Variants in MTREX observed in about 807,000 individuals in gnomAD.
MTREX encodes exosome RNA helicase MTR4.
In MTREX, 76 loss-of-function variants were observed where a neutral mutation model predicts 135.4. The ratio of observed to expected loss-of-function variants is 0.56; its 90% CI spans 0.47 to 0.68. The LOEUF (loss-of-function observed/expected upper bound fraction) is 0.68. Ranked by LOEUF, MTREX falls within the 30% of genes least tolerant of loss-of-function variation. The pLI, the probability that MTREX is intolerant of heterozygous loss-of-function variation, is 0.00. For missense variants in MTREX, 920 were observed against 1,262.1 expected (o/e 0.73, Z 4.11); for synonymous variants, 404 against 401.6 (o/e 1.01, Z -0.07).
chr5:55,316,968 C>T (rs1749208570), intron 1 of MTREX, among the ~76,000 whole-genome samples: 1 of 152,166 alleles, frequency 6.6e-6, no homozygotes, highest in South Asian at 2.1e-4. Flanking sequence ...GGCTAGCATT[C>T]TTATACACCA....
At chr5:55,409,393 T>C (rs1219925231) in intron 22 of MTREX, among the ~76,000 whole-genome samples, 1 of 152,210 alleles carries the variant, frequency 6.6e-6, no homozygotes, top group Non-Finnish European at 1.5e-5. Flanking sequence ...TCATCTTTTA[T>C]TATTTGTGCA....
chr5:55,314,223 T>C (rs765508878), intron 1 of MTREX, among the ~76,000 whole-genome samples: 4 of 152,222 alleles, frequency 2.6e-5, no homozygotes, highest in Non-Finnish European at 5.9e-5. Flanking sequence ...CAAATTCCTC[T>C]CCACAGGAGA....
chr5:55,410,452 C>T (rs1483327082), intron 22 of MTREX, 72 bp from the exon 23 acceptor site: 4 of 738,608 alleles, frequency 5.4e-6, no homozygotes, highest in East Asian at 2.7e-5. Flanking sequence ...AAAAACTACA[C>T]GTTAAGGGCA....
chr5:55,386,799 C>A (rs1178591830), intron 18 of MTREX, among the ~76,000 whole-genome samples: 1 of 152,036 alleles, frequency 6.6e-6, no homozygotes, highest in African/African-American at 2.4e-5. Flanking sequence ...TTCCTAACAC[C>A]TTGGAGCTAA....
chr5:55,355,435 A>C (rs1749895234), intron 14 of MTREX, among the ~76,000 whole-genome samples: 1 of 152,136 alleles, frequency 6.6e-6, no homozygotes, highest in African/African-American at 2.4e-5. Context: ...TAACCCCTCC[A>C]CTGTTAAGAA....
chr5:55,315,858 T>C (rs1364237907), intron 1 of MTREX, among the ~76,000 whole-genome samples: 1 of 147,762 alleles, frequency 6.8e-6, no homozygotes, highest in South Asian at 2.1e-4. Flanking sequence ...GGGACCCAAC[T>C]TGAAAAAAAA....
chr5:55,360,681 A>G (rs1749993278), intron 15 of MTREX, among the ~76,000 whole-genome samples: 1 of 152,188 alleles, frequency 6.6e-6, no homozygotes. Flanking sequence ...TTTGAATATT[A>G]TACAGTTTGA....
At chr5:55,348,607 A>T (rs898265424) in intron 11 of MTREX, among the ~76,000 whole-genome samples, 6 of 152,166 alleles carry the variant, frequency 3.9e-5, no homozygotes, top group Non-Finnish European at 8.8e-5. Context: ...TGTGCATTTT[A>T]AAGCTAATTC....
intron 25 of MTREX, among the ~76,000 whole-genome samples, chr5:55,416,780 T>TA (rs1750972545): frequency 6.6e-6 from 1 of 152,214 alleles, no homozygotes; most frequent in South Asian, 2.1e-4. Context: ...TGGCCAGTTG[T>TA]ATTTACTGAA....
intron 18 of MTREX, among the ~76,000 whole-genome samples, chr5:55,386,194 T>C (rs1750478932): frequency 6.6e-6 from 1 of 152,222 alleles, no homozygotes; most frequent in Non-Finnish European, 1.5e-5. Flanking sequence ...TATTTTAAAT[T>C]GCTTGTTTCT....
chr5:55,386,377 T>A (rs1053540830), intron 18 of MTREX, among the ~76,000 whole-genome samples: 1 of 152,154 alleles, frequency 6.6e-6, no homozygotes, highest in Non-Finnish European at 1.5e-5. Flanking sequence ...TAAATTAAGA[T>A]AATAGAACAC....
intron 5 of MTREX, chr5:55,329,518 T>C (rs1236450418): frequency 1.3e-5 from 2 of 152,072 alleles, no homozygotes; most frequent in Non-Finnish European, 2.9e-5. Flanking sequence ...GTCTGATAAG[T>C]TATGTTTGAT....
chr5:55,374,286 A>ATATAT (rs58169395), intron 16 of MTREX, among the ~76,000 whole-genome samples: 1 of 144,826 alleles, frequency 6.9e-6, no homozygotes, highest in African/African-American at 2.6e-5. Flanking sequence ...ATATATATAT[A>ATATAT]AACAATTTTT....
In MTREX at chr5:55,410,637, AAT is replaced by A; in HGVS notation, c.2751+9_2751+10del. On this transcript the variant is annotated intron_variant, in intron 23 of 26. Transcript: ENST00000230640. The stretch of plus-strand genomic sequence containing the variant: ...TTTGTGTTTCAAGAGAATGTAAGTT[AAT>A]TGATTCAGCACATCTTATTTATTAA... The A allele has an allele frequency of 6.4e-7, 1 of 1,551,160 alleles. No individual in the cohort carries two copies. Among genetic ancestry groups the A allele is most frequent in the Non-Finnish European group, 8.9e-7 (1 of 1,127,028 alleles).
intron 14 of MTREX, among the ~76,000 whole-genome samples, chr5:55,355,260 A>G (rs1338308019): frequency 6.6e-6 from 1 of 152,152 alleles, no homozygotes; most frequent in Non-Finnish European, 1.5e-5. Flanking sequence ...TAGCACCTTC[A>G]TGCCACTGTA....
intron 5 of MTREX, among the ~76,000 whole-genome samples, chr5:55,337,239 GC>G (rs1749568447): frequency 6.6e-6 from 1 of 152,050 alleles, no homozygotes; most frequent in Non-Finnish European, 1.5e-5. Context: ...TCCCACCTCA[GC>G]CACCTTAGTA....
At chr5:55,400,566 C>T in intron 21 of MTREX, 145 bp downstream of exon 21, 1 of 541,136 alleles carries the variant, frequency 1.8e-6, no homozygotes, top group Non-Finnish European at 3.3e-6. Context: ...AGCTCTGAAC[C>T]TGTCAGCTCT....
chr5:55,364,223 G>A (rs1352393962), intron 15 of MTREX, among the ~76,000 whole-genome samples: 2 of 152,166 alleles, frequency 1.3e-5, no homozygotes, highest in Non-Finnish European at 2.9e-5. Context: ...TAAGACAGAG[G>A]ATTTGTGTGG....
At chr5:55,348,353 C>T (rs758477476) in intron 11 of MTREX, among the ~76,000 whole-genome samples, 49 of 152,086 alleles carry the variant, frequency 3.2e-4, no homozygotes, top group Non-Finnish European at 5.9e-4. Context: ...CTCTTAAAGG[C>T]CCTACCTCTC....
Sources: allele counts gnomAD v4.1 joint callset (sites outside exome capture counted in the v4.1 genomes callset), GRCh38; gene constraint gnomAD v4.1.1; transcripts MANE v1.5; gene names NCBI Gene and HGNC (gene_info 2026-07-23, HGNC 2026-07-21).